The following SH3RF2 variants were observed in gnomAD, a reference collection of about 807,000 sequenced individuals.
SH3RF2 encodes SH3 domain containing ring finger 2, also known as E3 ubiquitin-protein ligase SH3RF2.
SH3RF2 carries 43 observed loss-of-function variants against 59.0 expected under a neutral mutation model. That is an observed-to-expected ratio of 0.73 (90% CI 0.57 to 0.94). SH3RF2 has a LOEUF of 0.94. Among genes scored for constraint, SH3RF2 ranks in the 40% least tolerant of loss-of-function variants. The pLI is 0.00. For missense variants in SH3RF2, 930 were observed against 940.1 expected, an observed-to-expected ratio of 0.99 and a Z score of 0.14; for synonymous variants, 391 against 391.5, an observed-to-expected ratio of 1.00 and a Z score of 0.01.
chr5:145,987,066 A>G (rs527545856), intron 2 of SH3RF2, among the ~76,000 whole-genome samples: 2 of 152,328 alleles, frequency 1.3e-5, no homozygotes, highest in Admixed American at 6.5e-5. Flanking sequence ...AAGGGAGCCT[A>G]TGATGTCTTA....
At chr5:146,019,378 A>G (rs898181855) in intron 5 of SH3RF2, among the ~76,000 whole-genome samples, 1 of 152,134 alleles carries the variant, frequency 6.6e-6, no homozygotes. Context: ...TCCTTTCCTC[A>G]GTTTAGGTTT....
chr5:145,980,366 A>C (rs1466158504), intron 2 of SH3RF2, among the ~76,000 whole-genome samples: 1 of 151,836 alleles, frequency 6.6e-6, no homozygotes, highest in East Asian at 1.9e-4. Context: ...ATTTTTTTGC[A>C]AATTGCTTTT....
In SH3RF2 at chr5:145,962,888, CTTTTTTTTTTTTTTT is replaced by C. The variant is rs1168517787; in HGVS notation, c.378+24594_378+24608del. 3.7e-3 allele frequency among the ~76,000 whole-genome samples: 387 copies of C among 104,574 alleles called. 1 individual carries two copies. Among genetic ancestry groups the C allele is most frequent in the African/African-American group, 0.017 (374 of 21,844 alleles). The allele number at this position is 104,574 out of a possible 152,430, so 68.6% of individuals were successfully genotyped here. On this transcript the variant is annotated intron_variant, in intron 2 of 9. Transcript: ENST00000359120. ...TAAGGGCAATCACTGTATTATTCCA[CTTTTTTTTTTTTTTT>C]TTTTTTTTTTTAGAGACGGAGTCTC...
At chr5:145,995,058 T>C (rs1760095557) in intron 2 of SH3RF2, among the ~76,000 whole-genome samples, 1 of 151,920 alleles carries the variant, frequency 6.6e-6, no homozygotes, top group African/African-American at 2.4e-5. Context: ...TATTTAGCTC[T>C]CCACCAAAAG....
At chr5:146,016,185 C>T (rs928437208) in intron 5 of SH3RF2, among the ~76,000 whole-genome samples, 3 of 152,180 alleles carry the variant, frequency 2.0e-5, no homozygotes, top group African/African-American at 4.8e-5. Flanking sequence ...AGAAAGATTA[C>T]AGATTAGTGT....
chr5:146,072,915 A>G (rs1040238966), intron 9 of SH3RF2, among the ~76,000 whole-genome samples: 34 of 152,180 alleles, frequency 2.2e-4, no homozygotes, highest in African/African-American at 8.0e-4. Flanking sequence ...TGCTTTCCTC[A>G]AGTGGTTTGG....
chr5:145,993,568 G>T (rs1760033829), intron 2 of SH3RF2, among the ~76,000 whole-genome samples: 1 of 152,170 alleles, frequency 6.6e-6, no homozygotes, highest in Non-Finnish European at 1.5e-5. Context: ...GTACTTGCAG[G>T]CTCAACACCA....
intron 2 of SH3RF2, among the ~76,000 whole-genome samples, chr5:145,974,548 G>A (rs1759212344): frequency 6.6e-6 from 1 of 152,182 alleles, no homozygotes; most frequent in African/African-American, 2.4e-5. Context: ...TATATTATGA[G>A]CAAGGTACTG....
chr5:146,037,080 A>T (rs974025564), intron 5 of SH3RF2, among the ~76,000 whole-genome samples: 1 of 152,192 alleles, frequency 6.6e-6, no homozygotes, highest in African/African-American at 2.4e-5. Context: ...CTCCCCAGAC[A>T]TCTGCTTTGT....
rs778666297 is a variant in SH3RF2 at position 146,060,098 on chromosome 5, G to A, written c.1788G>A (p.Ala596=). ...GCAGTGAGGCCTGGATCCACTCCGC[G>A]GCCAGCTCCCTCATTATGGAAGACA... is the stretch of plus-strand genomic sequence containing the variant. ...SRGSEAWIHS[A]ASSLIMEDKE... The change falls in exon 9 of 10, where the codon GCG becomes GCA. Residue 596 remains alanine (A), a synonymous_variant. Coordinates refer to ENST00000359120, the MANE Select transcript of SH3RF2 (RefSeq NM_152550.4). 2.0e-5 allele frequency: 32 copies of A among 1,613,896 alleles called. No individual in the cohort carries two copies. Among genetic ancestry groups the A allele is most frequent in the African/African-American group, 5.3e-5 (4 of 74,908 alleles).
At chr5:146,038,818 G>C (rs1762030590) in intron 5 of SH3RF2, among the ~76,000 whole-genome samples, 2 of 152,110 alleles carry the variant, frequency 1.3e-5, no homozygotes, top group South Asian at 4.2e-4. Context: ...GTGATTCTAA[G>C]ATTCAAATGG....
intron 4 of SH3RF2, among the ~76,000 whole-genome samples, chr5:146,013,475 A>T (rs1225737062): frequency 6.6e-6 from 1 of 152,212 alleles, no homozygotes; most frequent in Non-Finnish European, 1.5e-5. Flanking sequence ...GCCAGGGAAG[A>T]GCATCATGGC....
intron 2 of SH3RF2, among the ~76,000 whole-genome samples, chr5:145,953,509 C>G (rs1758271410): frequency 1.3e-5 from 2 of 152,084 alleles, no homozygotes; most frequent in South Asian, 4.1e-4. Context: ...TTGTGTTAGG[C>G]CATTCTTGCA....
intron 5 of SH3RF2, among the ~76,000 whole-genome samples, chr5:146,035,608 T>A (rs998673981): frequency 6.6e-6 from 1 of 152,230 alleles, no homozygotes; most frequent in Non-Finnish European, 1.5e-5. Flanking sequence ...TATGCTCCCA[T>A]GTCTCCTGTT....
At chr5:145,966,623 G>C (rs1758867131) in intron 2 of SH3RF2, among the ~76,000 whole-genome samples, 1 of 152,148 alleles carries the variant, frequency 6.6e-6, no homozygotes, top group Non-Finnish European at 1.5e-5. Context: ...CAAATGCTGT[G>C]GGGGAAAACA....
chr5:145,995,519 A>G (rs137989367), intron 2 of SH3RF2, among the ~76,000 whole-genome samples: 1,638 of 152,238 alleles, frequency 0.011, 24 homozygotes, highest in African/African-American at 0.038. Context: ...TTAGTTGCAT[A>G]GTTTGCTTAT....
At chr5:146,052,953 T>C (rs563028441) in intron 7 of SH3RF2, among the ~76,000 whole-genome samples, 1 of 152,322 alleles carries the variant, frequency 6.6e-6, no homozygotes, top group East Asian at 1.9e-4. Context: ...CTTCTGTTTA[T>C]AATGATGGCT....
intron 5 of SH3RF2, among the ~76,000 whole-genome samples, chr5:146,016,643 A>G (rs1761117957): frequency 6.6e-6 from 1 of 152,188 alleles, no homozygotes; most frequent in African/African-American, 2.4e-5. Flanking sequence ...TTGAATTTAG[A>G]ATTGTCTAAT....
chr5:146,076,220 A>G (rs960315603), intron 9 of SH3RF2, among the ~76,000 whole-genome samples: 21 of 152,208 alleles, frequency 1.4e-4, no homozygotes, highest in African/African-American at 4.1e-4. Flanking sequence ...AAGAGCAAAC[A>G]AACCACTGCT....
Sources: gnomAD v4.1 joint callset for allele counts (sites outside exome capture counted in the v4.1 genomes callset) on GRCh38, gnomAD v4.1.1 for gene constraint, MANE v1.5 for transcripts, NCBI Gene and HGNC (gene_info 2026-07-23, HGNC 2026-07-21) for gene names.